Variants in TXNRD2 observed in about 807,000 individuals in gnomAD.
TXNRD2 encodes the protein thioredoxin reductase 2, mitochondrial.
Under a neutral mutation model 70.8 loss-of-function variants are expected in TXNRD2, and 67 were observed. The ratio of observed to expected loss-of-function variants is 0.95; its 90% CI spans 0.78 to 1.16. The LOEUF (loss-of-function observed/expected upper bound fraction) is 1.16. Ranked by LOEUF, TXNRD2 falls within the 50% of genes most tolerant of loss-of-function variation. The pLI is 0.00. For synonymous variants in TXNRD2, 301 were observed against 295.8 expected (o/e 1.02, Z -0.18); for missense variants, 644 against 719.9 (o/e 0.89, Z 1.21).
In TXNRD2 at chr22:19,898,098, C is replaced by A; in HGVS notation, c.715G>T (p.Gly239Trp). 1.3e-6 allele frequency: 2 copies of A among 1,567,282 alleles called. No individual in the cohort carries two copies. Among genetic ancestry groups the A allele is most frequent in the East Asian group, 2.4e-5 (1 of 41,884 alleles). Residue 239 changes from glycine to tryptophan, a missense_variant, in exon 10 of 18, where the codon GGG becomes TGG. Physicochemically the swap from Gly to Trp is radical, Grantham distance 184 (BLOSUM62 -2). Around this residue, in one of 3 missense-constraint regions of TXNRD2, gnomAD observed 566 missense variants for 645.0 expected, o/e 0.88. Coordinates refer to ENST00000400521, the MANE Select transcript of TXNRD2 (RefSeq NM_006440.5). ...ATGATGGTGGTGTCCAGCCCAATCC[C>A]GGTGAGGAAGCCAGCACACTCCAGG... ...VALECAGFLT[G>W]IGLDTTIMMR... is the part of the protein sequence containing the mutation.
In TXNRD2 at chr22:19,939,635, G is replaced by C. The variant is rs140094155; in HGVS notation, c.103+2066C>G. Among the ~76,000 whole-genome samples, 712 of 152,230 alleles carry C rather than the reference G, an allele frequency of 4.7e-3. 4 individuals are homozygous for C. The highest frequency in any genetic ancestry group is 0.016 in the African/African-American group (684 of 41,542). ...AGATGACCGTTGCACCGCTCAGCCA[G>C]GAGAAGGCACTGCATTTAATGTTAC... is the stretch of plus-strand genomic sequence containing the variant. On this transcript the variant is annotated intron_variant, in intron 1 of 17. Transcript: ENST00000400521.
chr22:19,919,037 G>A (rs946694090), intron 3 of TXNRD2, 33 bp from the exon 4 acceptor site: 12 of 1,599,150 alleles, frequency 7.5e-6, no homozygotes, highest in African/African-American at 4.0e-5. Flanking sequence ...TTGAATTTAT[G>A]TTCAGGTGAC....
rs144627958 is a variant in TXNRD2, at chr22:19,900,484, C to T, written c.663-1416G>A. On this transcript the variant is annotated intron_variant, in intron 8 of 17. Coordinates refer to ENST00000400521, the MANE Select transcript of TXNRD2 (RefSeq NM_006440.5). ...ATGAAGTTATGGCCAGGTGCGGTGG[C>T]TCACGCCTGTAATCCCAGCACTTTG... is the stretch of plus-strand genomic sequence containing the variant. 7.9e-5 allele frequency among the ~76,000 whole-genome samples: 12 copies of T among 152,338 alleles called. No homozygotes were observed. In the East Asian group the frequency reaches 1.9e-3, roughly 24 times the overall value.
intron 2 of TXNRD2, among the ~76,000 whole-genome samples, chr22:19,922,868 T>C (rs912211017): frequency 6.6e-6 from 1 of 151,482 alleles, no homozygotes; most frequent in African/African-American, 2.4e-5. Flanking sequence ...TTTGTATTTT[T>C]AGTAGAGATG....
At chr22:19,916,942 G>A (rs912603374) in intron 5 of TXNRD2, among the ~76,000 whole-genome samples, 3 of 152,174 alleles carry the variant, frequency 2.0e-5, no homozygotes, top group African/African-American at 7.2e-5. Context: ...CCGTGCTGCA[G>A]CAAGGGTTCT....
intron 8 of TXNRD2, among the ~76,000 whole-genome samples, chr22:19,906,156 C>T (rs1022170518): frequency 3.7e-4 from 57 of 152,196 alleles, no homozygotes; most frequent in Middle Eastern, 3.4e-3. Flanking sequence ...AAAAGCCAGA[C>T]GTGAAAGTGG....
intron 2 of TXNRD2, among the ~76,000 whole-genome samples, chr22:19,925,193 A>T (rs1941087915): frequency 6.6e-6 from 1 of 151,882 alleles, no homozygotes; most frequent in African/African-American, 2.4e-5. Context: ...CTGAGGCAGG[A>T]GAATGGCGCA....
intron 11 of TXNRD2, among the ~76,000 whole-genome samples, chr22:19,893,709 G>A (rs919969593): frequency 2.0e-4 from 30 of 152,234 alleles, no homozygotes; most frequent in African/African-American, 6.8e-4. Flanking sequence ...ACCAGACTGT[G>A]CCCAGCAAGT....
chr22:19,941,033 G>A (rs540505908), intron 1 of TXNRD2, among the ~76,000 whole-genome samples: 1 of 152,308 alleles, frequency 6.6e-6, no homozygotes, highest in South Asian at 2.1e-4. Flanking sequence ...GCTGCTCGCT[G>A]TCACAAGCAT....
chr22:19,911,280 A>C (rs1361665113), intron 8 of TXNRD2, 97 bp downstream of exon 8: 5 of 1,025,106 alleles, frequency 4.9e-6, no homozygotes, highest in Non-Finnish European at 6.1e-6. Flanking sequence ...AACCGGAAAG[A>C]AAGCCCCAGG....
In TXNRD2 at chr22:19,877,029, C is replaced by T; in HGVS notation, c.*65+11G>A. The T allele has an allele frequency of 2.0e-6, 3 of 1,522,966 alleles. No individual in the cohort carries two copies. The highest frequency in any genetic ancestry group is 2.7e-6 in the Non-Finnish European group (3 of 1,125,696). The allele number at this position is 1,522,966 out of a possible 1,614,324, so 94.3% of individuals were successfully genotyped here. On this transcript the variant is annotated intron_variant, in intron 17 of 17. Transcript: ENST00000400521. ...CCCTGTCCTCAAACAGAGCCAGCCC[C>T]ACCTGCATACCTGGGTCTGGCCTCC...
intron 2 of TXNRD2, among the ~76,000 whole-genome samples, chr22:19,923,978 T>A (rs1007053381): frequency 4.0e-5 from 6 of 151,608 alleles, no homozygotes; most frequent in African/African-American, 9.7e-5. Flanking sequence ...ATTTTTTTTT[T>A]AATTTAAAAA....
intron 12 of TXNRD2, among the ~76,000 whole-genome samples, chr22:19,882,328 A>G (rs1938815370): frequency 6.6e-6 from 1 of 152,146 alleles, no homozygotes; most frequent in Admixed American, 6.5e-5. Flanking sequence ...CCTCCCGGGT[A>G]GCTGGGATTA....
intron 9 of TXNRD2, 43 bp from the exon 10 acceptor site, chr22:19,898,173 G>A: frequency 6.6e-7 from 1 of 1,523,736 alleles, no homozygotes; most frequent in Non-Finnish European, 8.9e-7. Context: ...CCCAATTTTG[G>A]AAATGATGGG....
chr22:19,917,851 C>T (rs938512214), intron 5 of TXNRD2, among the ~76,000 whole-genome samples: 5 of 152,192 alleles, frequency 3.3e-5, no homozygotes, highest in Non-Finnish European at 5.9e-5. Context: ...TGAGGCCTTC[C>T]AGCCCCAAGC....
chr22:19,931,627 C>T (rs1195806751), intron 1 of TXNRD2, among the ~76,000 whole-genome samples: 1 of 152,090 alleles, frequency 6.6e-6, no homozygotes, highest in Non-Finnish European at 1.5e-5. Flanking sequence ...CCTCAGCCTC[C>T]AGAATAGCTG....
intron 5 of TXNRD2, among the ~76,000 whole-genome samples, chr22:19,917,370 C>T (rs905431442): frequency 6.6e-6 from 1 of 152,126 alleles, no homozygotes; most frequent in Non-Finnish European, 1.5e-5. Flanking sequence ...TTGTGAGGTC[C>T]AGGTGGAGGG....
At chr22:19,889,667 G>C (rs991176178) in intron 11 of TXNRD2, among the ~76,000 whole-genome samples, 4 of 150,888 alleles carry the variant, frequency 2.7e-5, no homozygotes, top group Non-Finnish European at 2.9e-5. Context: ...TTTGAAAAGA[G>C]GTTTCACTCT....
chr22:19,915,111 G>A, intron 7 of TXNRD2, 103 bp downstream of exon 7: 3 of 1,039,966 alleles, frequency 2.9e-6, no homozygotes, highest in East Asian at 2.6e-5. Context: ...GGGAAAGGGT[G>A]TGCAAGCTGC....
Sources: gnomAD v4.1 joint callset for allele counts (sites outside exome capture counted in the v4.1 genomes callset) on GRCh38, gnomAD v4.1.1 for gene constraint, gnomAD v4.1.1 regional missense constraint, MANE v1.5 for transcripts, NCBI Gene and HGNC (gene_info 2026-07-23, HGNC 2026-07-21) for gene names.